The following ALDH7A1 variants were observed in gnomAD, a reference collection of about 807,000 sequenced individuals.
ALDH7A1 encodes the protein alpha-aminoadipic semialdehyde dehydrogenase.
ALDH7A1 carries 63 observed loss-of-function variants against 79.9 expected under a neutral mutation model. The observed-to-expected ratio is 0.79, with a 90% confidence interval of 0.64 to 0.97. ALDH7A1 has a LOEUF of 0.97. Ranked by LOEUF, ALDH7A1 falls within the 50% of genes least tolerant of loss-of-function variation. The pLI is 0.00. For missense variants in ALDH7A1, 627 were observed against 665.2 expected (o/e 0.94, Z 0.63); for synonymous variants, 240 against 231.2 (o/e 1.04, Z -0.34).
At chr5:126,575,981 G>A (rs1486516240) in intron 6 of ALDH7A1, among the ~76,000 whole-genome samples, 1 of 152,160 alleles carries the variant, frequency 6.6e-6, no homozygotes, top group East Asian at 1.9e-4. Flanking sequence ...TTGTGGACAG[G>A]CAGGGCGCGG....
intron 16 of ALDH7A1, 120 bp downstream of exon 16, chr5:126,549,809 A>G (rs770483895): frequency 5.3e-6 from 5 of 940,948 alleles, no homozygotes; most frequent in Non-Finnish European, 8.8e-6. Context: ...ATGTTAGATC[A>G]CATAAGGTTA....
intron 9 of ALDH7A1, among the ~76,000 whole-genome samples, chr5:126,563,099 C>G (rs1313370382): frequency 6.6e-6 from 1 of 152,080 alleles, no homozygotes; most frequent in African/African-American, 2.4e-5. Flanking sequence ...CAACTGTGTA[C>G]CATCTTAACC....
At chr5:126,591,803 AC>A (rs1751561996) in intron 3 of ALDH7A1, 2 of 152,122 alleles carry the variant, frequency 1.3e-5, no homozygotes, top group African/African-American at 4.8e-5. Context: ...CACAGTTCCC[AC>A]ATTTGCTCAT....
At chr5:126,580,269 G>A (rs1169887683) in intron 5 of ALDH7A1, among the ~76,000 whole-genome samples, 3 of 151,896 alleles carry the variant, frequency 2.0e-5, no homozygotes, top group South Asian at 2.1e-4. Flanking sequence ...CAGCTAATCC[G>A]TATTTTTATT....
Position 126,550,224 on chromosome 5 carries a change from C to T in ALDH7A1, c.1387G>A (p.Asp463Asn), listed in dbSNP as rs1749944769. 2 of 1,613,258 alleles carry T rather than the reference C, an allele frequency of 1.2e-6. No homozygotes were observed. The highest frequency in any genetic ancestry group is 4.5e-5 in the East Asian group (2 of 44,862). The change falls in exon 15 of 18, where the codon GAT becomes AAT. Residue 463 changes from aspartate (D) to asparagine (N), a missense_variant. Asp to Asn is a conservative substitution (Grantham distance 23). Transcript: ENST00000409134. ...AGCCAGCGAAAGATTCTGCCCAGAT[C>T]TTTGGTAAAGATGCTACTTGAAAGT... ...QGLSSSIFTK[D>N]LGRIFRWLGP...
At chr5:126,569,276 C>A (rs1750698063) in intron 8 of ALDH7A1, 1 of 152,190 alleles carries the variant, frequency 6.6e-6, no homozygotes, top group Admixed American at 6.6e-5. Flanking sequence ...TGCCGTGGTC[C>A]ATGGAAAAAT....
At chr5:126,561,787 AAAT>A (rs1750413025) in intron 9 of ALDH7A1, 1 of 152,298 alleles carries the variant, frequency 6.6e-6, no homozygotes, top group South Asian at 2.1e-4. Flanking sequence ...CCAAAAAATT[AAAT>A]AACAGAGCCT....
chr5:126,570,496 G>T, intron 8 of ALDH7A1: 1 of 379,324 alleles, frequency 2.6e-6, no homozygotes, highest in South Asian at 2.5e-5. Context: ...TAAACCAAGT[G>T]TCAGGAAGTC....
chr5:126,559,137 G>T, intron 11 of ALDH7A1, 103 bp downstream of exon 11: 1 of 910,090 alleles, frequency 1.1e-6, no homozygotes, highest in Non-Finnish European at 1.8e-6. Flanking sequence ...CATCTAGAGA[G>T]CATGTTGTTC....
intron 6 of ALDH7A1, among the ~76,000 whole-genome samples, chr5:126,576,788 A>G (rs1299074175): frequency 6.6e-6 from 1 of 152,184 alleles, no homozygotes; most frequent in African/African-American, 2.4e-5. Flanking sequence ...TGAGCCGGGC[A>G]TGGTTGCGCA....
At chr5:126,553,933 C>T (rs116020156) in intron 13 of ALDH7A1, among the ~76,000 whole-genome samples, 3,774 of 151,924 alleles carry the variant, frequency 0.025, 162 homozygotes, top group African/African-American at 0.087. Context: ...CATGGGAAAC[C>T]CCATCTCTAC....
At position 126,551,936 on chromosome 5, in the gene ALDH7A1, G is replaced by T. The variant is rs567636225; in HGVS notation, c.1317+85C>A. On this transcript the variant is annotated intron_variant, in intron 14 of 17. Transcript: ENST00000409134. ...ATTACTTTCTAAAACCCTCTTAAAG[G>T]TTCATCCAGTGAAATTTAATCCACC... is the stretch of plus-strand genomic sequence containing the variant. 6 of 1,070,220 alleles carry T rather than the reference G, an allele frequency of 5.6e-6. No homozygotes were observed. The East Asian group carries it at 9.5e-5, about 17-fold the overall frequency. The allele number at this position is 1,070,220 out of a possible 1,614,324, so 66.3% of individuals were successfully genotyped here.
At chr5:126,571,957 A>C (rs1223191121) in intron 7 of ALDH7A1, among the ~76,000 whole-genome samples, 1 of 152,190 alleles carries the variant, frequency 6.6e-6, no homozygotes, top group Non-Finnish European at 1.5e-5. Context: ...CTGCAGGCTA[A>C]AGAATTGCAG....
Position 126,577,079 on chromosome 5 carries a change from C to T in ALDH7A1, c.650G>A (p.Trp217Ter). The change falls in exon 6 of 18, where the codon TGG becomes TAG. Residue 217 changes from tryptophan to a stop codon, truncating the protein, a stop_gained and splice_region_variant. Transcript: ENST00000409134. LOFTEE classifies it high-confidence loss of function. ...AAATAGGAAAGTGAGCAGGTCTTAC[C>T]AGAGGCAGACATTTCCACAGATCAT... The part of the protein sequence containing the change: ...IAMICGNVCL[W>*]KGAPTTSLIS... 6.2e-7 allele frequency: 1 copy of T among 1,613,928 alleles called. No homozygotes were observed. Among genetic ancestry groups the T allele is most frequent in the Non-Finnish European group, 8.5e-7 (1 of 1,180,026 alleles).
intron 7 of ALDH7A1, among the ~76,000 whole-genome samples, chr5:126,574,215 A>G (rs1750885007): frequency 6.6e-6 from 1 of 151,436 alleles, no homozygotes; most frequent in South Asian, 2.1e-4. Context: ...CCTGGCCAAC[A>G]TGGTGAAACC....
chr5:126,562,587 T>C (rs1353419283), intron 9 of ALDH7A1, among the ~76,000 whole-genome samples: 1 of 152,030 alleles, frequency 6.6e-6, no homozygotes. Flanking sequence ...TGGTGGCTCA[T>C]GCCTGTAATC....
At chr5:126,588,011 T>G (rs1473650725) in intron 3 of ALDH7A1, 1 of 152,130 alleles carries the variant, frequency 6.6e-6, no homozygotes, top group Non-Finnish European at 1.5e-5. Flanking sequence ...TTGGGAGGTC[T>G]AAAAAGCACC....
intron 3 of ALDH7A1, among the ~76,000 whole-genome samples, chr5:126,590,015 T>C (rs1251243957): frequency 1.6e-5 from 2 of 123,256 alleles, no homozygotes; most frequent in Admixed American, 1.6e-4. Flanking sequence ...GTCTGGGAAG[T>C]GAGGAGTGCC....
chr5:126,560,385 A>G (rs577266755), intron 10 of ALDH7A1, among the ~76,000 whole-genome samples: 1 of 152,172 alleles, frequency 6.6e-6, no homozygotes, highest in African/African-American at 2.4e-5. Context: ...GCAGGAGAAC[A>G]GCTTGAACCT....
Sources: allele counts gnomAD v4.1 joint callset (sites outside exome capture counted in the v4.1 genomes callset), GRCh38; gene constraint gnomAD v4.1.1; transcripts MANE v1.5; gene names NCBI Gene and HGNC (gene_info 2026-07-23, HGNC 2026-07-21).